Variants in UBAP2L observed in about 807,000 individuals in gnomAD.
UBAP2L encodes ubiquitin-associated protein 2-like.
In UBAP2L, 12 loss-of-function variants were observed where a neutral mutation model predicts 130.6. The ratio of observed to expected loss-of-function variants is 0.09; its 90% CI spans 0.06 to 0.15. UBAP2L has a LOEUF of 0.15. UBAP2L is among the 10% of genes least tolerant of loss of function. UBAP2L has a pLI of 1.00. For synonymous variants in UBAP2L, 503 were observed against 524.7 expected (o/e 0.96, Z 0.57); for missense variants, 965 against 1,332.5 (o/e 0.72, Z 4.29).
Position 154,266,537 on chromosome 1 carries a change from A to T in UBAP2L, c.2939A>T (p.Asp980Val). 1 of 1,614,178 alleles carries T rather than the reference A, an allele frequency of 6.2e-7. No homozygotes were observed. Among genetic ancestry groups the T allele is most frequent in the Non-Finnish European group, 8.5e-7 (1 of 1,180,032 alleles). The change falls in exon 25 of 27, where the codon GAT (aspartate) becomes GTT (valine). Residue 980 changes from aspartate to valine, a missense_variant. By Grantham distance (152) the Asp-to-Val change is radical. Transcript: ENST00000428931. ...ACCTCCAGTAACACGGGCGTGCCAG[A>T]TATCTCGGGTTCTGTGTACTCCAAA... ...SVTSSNTGVP[D>V]ISGSVYSKTQ...
At chr1:154,232,101 G>A (rs1288120422) in intron 4 of UBAP2L, among the ~76,000 whole-genome samples, 1 of 151,978 alleles carries the variant, frequency 6.6e-6, no homozygotes, top group East Asian at 1.9e-4. Context: ...GGCCATGGCG[G>A]GCGGATCACG....
chr1:154,251,192 T>C lies in UBAP2L; in HGVS notation c.1365T>C (p.Pro455=). The C allele has an allele frequency of 6.2e-7, 1 of 1,614,174 alleles. No homozygotes were observed. The highest frequency in any genetic ancestry group is 8.5e-7 in the Non-Finnish European group (1 of 1,180,040). Residue 455 remains proline (P), a synonymous_variant, in exon 13 of 27, where the codon CCT becomes CCC. Coordinates refer to ENST00000428931, the MANE Select transcript of UBAP2L (RefSeq NM_014847.4). ...STAAPPPPSS[P]LPSKSTSAPQ... is the part of the protein sequence containing the mutation. The stretch of plus-strand genomic sequence containing the variant: ...CTGCACCTCCACCTCCGTCTTCTCC[T>C]CTGCCAAGCAAATCCACATCGGCTC...
At chr1:154,222,895 G>A (rs937101749) in intron 1 of UBAP2L, among the ~76,000 whole-genome samples, 1 of 152,122 alleles carries the variant, frequency 6.6e-6, no homozygotes, top group African/African-American at 2.4e-5. Flanking sequence ...CTCCTGTGTT[G>A]AAACCTCTGT....
At chr1:154,238,650 G>A (rs548605528) in intron 8 of UBAP2L, among the ~76,000 whole-genome samples, 2 of 152,320 alleles carry the variant, frequency 1.3e-5, no homozygotes, top group African/African-American at 4.8e-5. Context: ...AATCTGATTT[G>A]TAGCTGAATG....
intron 24 of UBAP2L, chr1:154,263,592 C>G (rs1444733403): frequency 4.8e-6 from 4 of 833,058 alleles, no homozygotes; most frequent in Admixed American, 6.2e-5. Context: ...CCTTTTTAAT[C>G]AAACCCCAGC....
At chr1:154,263,377 C>CG in intron 24 of UBAP2L, 1 of 1,332,548 alleles carries the variant, frequency 7.5e-7, no homozygotes, top group Non-Finnish European at 9.6e-7. Context: ...CAAGTTCAAG[C>CG]GGTGCAGCAC....
In UBAP2L at chr1:154,251,279, A is replaced by G; in HGVS notation, c.1452A>G (p.Lys484=). The change falls in exon 13 of 27, where the codon AAA becomes AAG. Residue 484 remains lysine (K), a synonymous_variant. Coordinates refer to ENST00000428931, the MANE Select transcript of UBAP2L (RefSeq NM_014847.4). ...CTAGCCCTCAGCCGGCTCAGCAGAA[A>G]CTGAAACAGCAGAAGAAAAAAGCCT... The part of the protein sequence containing the change: ...QSSSPQPAQQ[K]LKQQKKKASL... 1.2e-6 allele frequency: 2 copies of G among 1,614,022 alleles called. No individual in the cohort carries two copies. Among genetic ancestry groups the G allele is most frequent in the Non-Finnish European group, 1.7e-6 (2 of 1,179,972 alleles).
chr1:154,250,399 CA>C (rs1338344145), intron 12 of UBAP2L, among the ~76,000 whole-genome samples: 1 of 151,910 alleles, frequency 6.6e-6, no homozygotes, highest in African/African-American at 2.4e-5. Context: ...TTGAAGGAAA[CA>C]ACGTTATGCC....
In UBAP2L at chr1:154,251,495, T is replaced by A. The variant is rs753444901; in HGVS notation, c.1506T>A (p.Ala502=). 1 of 1,614,066 alleles carries A rather than the reference T, an allele frequency of 6.2e-7. No individual in the cohort carries two copies. The highest frequency in any genetic ancestry group is 8.5e-7 in the Non-Finnish European group (1 of 1,180,006). The change falls in exon 14 of 27, where the codon GCT becomes GCA. Residue 502 remains alanine (A), a synonymous_variant. Transcript: ENST00000428931. ...ASLTSKIPAL[A]VEMPGSADIS... ...CAACTTTATAGATTCCTGCTCTGGC[T>A]GTGGAGATGCCTGGCTCAGCAGATA...
Position 154,241,544 on chromosome 1 carries a change from G to T in UBAP2L, c.735G>T (p.Gly245=). 1 of 1,613,958 alleles carries T rather than the reference G, an allele frequency of 6.2e-7. No homozygotes were observed. Among genetic ancestry groups the T allele is most frequent in the Non-Finnish European group, 8.5e-7 (1 of 1,179,942 alleles). Reference sequence around the variant, plus strand: ...GGAGGACTGCAACAGAGGAGTGGGGGACTGAAGATTGGAATGAAGATGTAG... The same window carrying T: ...GGAGGACTGCAACAGAGGAGTGGGGTACTGAAGATTGGAATGAAGATGTAG... ...SAWRTATEEW[G]TEDWNEDLSE... is the part of the protein sequence containing the mutation. The change falls in exon 9 of 27, where the codon GGG becomes GGT. Residue 245 remains glycine (G), a synonymous_variant. Transcript: ENST00000428931.
At chr1:154,260,816 T>A in intron 22 of UBAP2L, 76 bp from the exon 23 acceptor site, 1 of 1,386,640 alleles carries the variant, frequency 7.2e-7, no homozygotes. Flanking sequence ...CCTGGAATCA[T>A]GTGAAATCAG....
In UBAP2L at chr1:154,227,279, T is replaced by C. The variant is rs201536747; in HGVS notation, c.91-3T>C. ...GCTTTCTTGATCTCATCTCAATTCC[T>C]AGGCCACTGCAGAACAAATTAGACT... On this transcript the variant is annotated splice_polypyrimidine_tract_variant and splice_region_variant and intron_variant, in intron 2 of 26. Transcript: ENST00000428931. 3.7e-6 allele frequency: 6 copies of C among 1,613,178 alleles called. No homozygotes were observed. The African/African-American group carries it at 8.0e-5, about 21-fold the overall frequency.
intron 18 of UBAP2L, 49 bp from the exon 19 acceptor site, chr1:154,257,014 A>T: frequency 1.3e-6 from 2 of 1,581,116 alleles, no homozygotes; most frequent in South Asian, 1.1e-5. Context: ...CTGACCTATG[A>T]TGCTGATCTC....
At chr1:154,224,981 T>C in intron 1 of UBAP2L, 103 bp from the exon 2 acceptor site, 1 of 662,960 alleles carries the variant, frequency 1.5e-6, no homozygotes. Flanking sequence ...ATTGATTTGT[T>C]CCTTTGAAGA....
At chr1:154,235,922 A>C (rs1340972570) in intron 6 of UBAP2L, among the ~76,000 whole-genome samples, 1 of 152,134 alleles carries the variant, frequency 6.6e-6, no homozygotes, top group Non-Finnish European at 1.5e-5. Flanking sequence ...TTGTTTAAAA[A>C]CAAATTAACA....
intron 8 of UBAP2L, among the ~76,000 whole-genome samples, chr1:154,240,904 C>T (rs1673311626): frequency 6.6e-6 from 1 of 151,466 alleles, no homozygotes; most frequent in Non-Finnish European, 1.5e-5. Flanking sequence ...CTTAAAGATA[C>T]TGCTTTGAGC....
rs5777892 is a variant in UBAP2L, at chr1:154,223,523, ATT to A, written c.-40-1550_-40-1549del. Among the ~76,000 whole-genome samples the A allele has an allele frequency of 3.6e-3, 542 of 149,160 alleles. 20 individuals are homozygous for A. In the East Asian group the frequency reaches 0.078, roughly 22 times the overall value. ...TTGGATTCGGGGTACTTGGTTAAACATTTTTTTTTTTTGTAAAGTTGAAACGA... is the reference window on the plus strand; with the variant it reads ...TTGGATTCGGGGTACTTGGTTAAACATTTTTTTTTTGTAAAGTTGAAACGA... On this transcript the variant is annotated intron_variant, in intron 1 of 26. Transcript: ENST00000428931.
chr1:154,263,439 A>T, intron 24 of UBAP2L: 1 of 1,211,790 alleles, frequency 8.3e-7, no homozygotes, highest in Non-Finnish European at 1.0e-6. Context: ...TCTGGAAGGC[A>T]TGTAGTTTCA....
At chr1:154,258,176 G>C (rs894745079) in intron 20 of UBAP2L, among the ~76,000 whole-genome samples, 1 of 152,110 alleles carries the variant, frequency 6.6e-6, no homozygotes, top group Admixed American at 6.5e-5. Context: ...TTCCTATGTT[G>C]CCTAGGCTGG....
Sources: allele counts gnomAD v4.1 joint callset (sites outside exome capture counted in the v4.1 genomes callset), GRCh38; gene constraint gnomAD v4.1.1; transcripts MANE v1.5; gene names NCBI Gene and HGNC (gene_info 2026-07-23, HGNC 2026-07-21).